The following RAD51B variants were observed in gnomAD, a reference collection of about 807,000 sequenced individuals.
RAD51B encodes the protein RAD51 paralog B, also known as DNA repair protein RAD51 homolog 2.
In RAD51B, 38 loss-of-function variants were observed where a neutral mutation model predicts 42.2. The observed-to-expected ratio is 0.90, with a 90% CI of 0.70 to 1.18. The LOEUF is 1.18. Among genes scored for constraint, RAD51B ranks in the 50% most tolerant of loss-of-function variants. RAD51B has a pLI of 0.00. For missense variants in RAD51B, 373 were observed against 400.7 expected, an observed-to-expected ratio of 0.93 and a Z score of 0.59; for synonymous variants, 154 against 145.2, an observed-to-expected ratio of 1.06 and a Z score of -0.43.
intron 9 of RAD51B, among the ~76,000 whole-genome samples, chr14:68,457,389 G>A (rs2085724312): frequency 6.6e-6 from 1 of 152,154 alleles, no homozygotes; most frequent in Admixed American, 6.5e-5. Context: ...CAAAGCTTAT[G>A]TGGTGTAGTT....
At chr14:67,942,180 T>C (rs544041022) in intron 7 of RAD51B, among the ~76,000 whole-genome samples, 42 of 152,314 alleles carry the variant, frequency 2.8e-4, no homozygotes, top group African/African-American at 9.4e-4. Context: ...GTTAAAATCC[T>C]GTAGAGGTTT....
At chr14:68,460,511 A>C (rs2085817443) in intron 9 of RAD51B, among the ~76,000 whole-genome samples, 2 of 152,170 alleles carry the variant, frequency 1.3e-5, no homozygotes, top group South Asian at 4.1e-4. Flanking sequence ...GGTTCCTGAC[A>C]TCTCTGTGCT....
At chr14:68,311,985 T>C (rs2139729973) in intron 8 of RAD51B, among the ~76,000 whole-genome samples, 1 of 152,358 alleles carries the variant, frequency 6.6e-6, no homozygotes, top group South Asian at 2.1e-4. Context: ...CTCAGCATTG[T>C]TATTTCAATT....
At position 68,649,033 on chromosome 14, in the gene RAD51B, C is replaced by G. The variant is rs573560695; in HGVS notation, c.1037-1748C>G. ...ACCCTCGCATGTCATAGCAATGGAA[C>G]ATGAAGAGGTGGAGATCTTTTGGAG... On this transcript the variant is annotated intron_variant, in intron 10 of 11. Coordinates refer to the RAD51B transcript ENST00000488612. Among the ~76,000 whole-genome samples the G allele has an allele frequency of 2.6e-5, 4 of 152,220 alleles. No homozygotes were observed. In the South Asian group the frequency reaches 8.3e-4, roughly 32 times the overall value.
At chr14:68,602,930 C>A (rs1359467862) in intron 10 of RAD51B, among the ~76,000 whole-genome samples, 6 of 152,178 alleles carry the variant, frequency 3.9e-5, no homozygotes, top group Non-Finnish European at 8.8e-5. Flanking sequence ...AACCTAAACA[C>A]CCATATGCCT....
intron 7 of RAD51B, among the ~76,000 whole-genome samples, chr14:68,045,236 C>CAAAAAAAAAAAAAA (rs537073885): frequency 7.7e-4 from 17 of 22,084 alleles, no homozygotes; most frequent in Non-Finnish European, 8.3e-4. Flanking sequence ...AACTCTGTCT[C>CAAAAAAAAAAAAAA]AAAAAAAAAA....
At chr14:68,195,395 TCCAGTCA>T (rs1017055835) in intron 7 of RAD51B, among the ~76,000 whole-genome samples, 5 of 101,516 alleles carry the variant, frequency 4.9e-5, no homozygotes, top group African/African-American at 1.1e-4. Flanking sequence ...TCTCAGCTTC[TCCAGTCA>T]CCTCCTAACT....
At chr14:68,297,871 G>A (rs577268950) in intron 8 of RAD51B, among the ~76,000 whole-genome samples, 2 of 152,288 alleles carry the variant, frequency 1.3e-5, no homozygotes, top group Admixed American at 1.3e-4. Context: ...AGCCCCTCCC[G>A]TGAAGTTTTA....
chr14:67,963,150 T>A (rs1288500849), intron 7 of RAD51B, among the ~76,000 whole-genome samples: 3 of 152,174 alleles, frequency 2.0e-5, no homozygotes, highest in Non-Finnish European at 4.4e-5. Flanking sequence ...TAACTGTGAA[T>A]ATAATCTCAT....
intron 9 of RAD51B, among the ~76,000 whole-genome samples, chr14:68,412,374 C>T (rs7359118): frequency 0.061 from 9,230 of 152,184 alleles, 451 homozygotes; most frequent in African/African-American, 0.13. Context: ...ATTTGCCCAC[C>T]TTGCTAAATA....
chr14:68,351,158 C>T lies in RAD51B; in HGVS notation c.853+59178C>T, dbSNP rs2082779151. ...ACTGTATACATAAAGCACCCTAATCCAGACCAGACTCAAAGAATGCTAGAA... is the reference window on the plus strand; with the variant it reads ...ACTGTATACATAAAGCACCCTAATCTAGACCAGACTCAAAGAATGCTAGAA... On this transcript the variant is annotated intron_variant, in intron 8 of 10. Transcript: ENST00000471583. Among the ~76,000 whole-genome samples the T allele has an allele frequency of 1.3e-5, 2 of 152,114 alleles. 1 individual carries two copies. Among genetic ancestry groups the T allele is most frequent in the South Asian group, 4.2e-4 (2 of 4,818 alleles).
In RAD51B at chr14:68,478,092, G is replaced by C; in HGVS notation, c.*428G>C. 1 of 1,046,112 alleles carries C rather than the reference G, an allele frequency of 9.6e-7. No homozygotes were observed. Among genetic ancestry groups the C allele is most frequent in the Non-Finnish European group, 1.2e-6 (1 of 867,270 alleles). 64.8% of individuals were successfully genotyped at this position (1,046,112 alleles called of 1,614,324 possible). On this transcript the variant is annotated 3_prime_UTR_variant, in exon 11 of 11. Transcript: ENST00000471583. ...TTTCCGAATAAAGTATTGTCTACCA[G>C]ATAAAAAGAGTAGGTGTAAAGGAAT... is the stretch of plus-strand genomic sequence containing the variant.
intron 7 of RAD51B, among the ~76,000 whole-genome samples, chr14:67,933,477 C>T (rs544117845): frequency 1.3e-5 from 2 of 152,292 alleles, no homozygotes; most frequent in African/African-American, 4.8e-5. Context: ...TGGTGCAATG[C>T]CCTTGTGGGT....
chr14:68,643,156 ACCAGTTTTTG>A (rs1229276827), intron 10 of RAD51B, among the ~76,000 whole-genome samples: 2 of 130,678 alleles, frequency 1.5e-5, no homozygotes, highest in African/African-American at 5.8e-5. Flanking sequence ...TTGAAGTTCT[ACCAGTTTTTG>A]CCTCACACAT....
At chr14:68,389,894 A>G (rs777826081) in intron 8 of RAD51B, among the ~76,000 whole-genome samples, 6 of 152,216 alleles carry the variant, frequency 3.9e-5, no homozygotes, top group Admixed American at 1.3e-4. Flanking sequence ...TTGTTTCTCA[A>G]TGAATCTTCT....
intron 7 of RAD51B, among the ~76,000 whole-genome samples, chr14:68,087,726 T>C (rs1424802606): frequency 6.6e-6 from 1 of 150,580 alleles, no homozygotes; most frequent in Non-Finnish European, 1.5e-5. Context: ...TTGAAGGTCA[T>C]GTATATGTAC....
chr14:68,147,154 G>A lies in RAD51B; in HGVS notation c.757-144730G>A, dbSNP rs536569304. ...TGGCCTTTGAGGGGAGAGTGCCAAA[G>A]TTGATGTATTTTAAAAACATCAACT... is the stretch of plus-strand genomic sequence containing the variant. On this transcript the variant is annotated intron_variant, in intron 7 of 10. Transcript: ENST00000471583. 3.3e-5 allele frequency among the ~76,000 whole-genome samples: 5 copies of A among 152,298 alleles called. No individual in the cohort carries two copies. In the South Asian group the frequency reaches 8.3e-4, roughly 25 times the overall value.
intron 7 of RAD51B, among the ~76,000 whole-genome samples, chr14:68,196,223 G>A (rs1287021385): frequency 6.6e-6 from 1 of 151,382 alleles, no homozygotes; most frequent in Non-Finnish European, 1.5e-5. Flanking sequence ...TTCCTTTGTC[G>A]CTTTCTTGCT....
intron 8 of RAD51B, among the ~76,000 whole-genome samples, chr14:68,295,410 G>A (rs1455415958): frequency 1.3e-5 from 2 of 152,170 alleles, no homozygotes; most frequent in Admixed American, 1.3e-4. Flanking sequence ...AACACTGGGA[G>A]GGCAACAGCT....
Sources: allele counts gnomAD v4.1 joint callset (sites outside exome capture counted in the v4.1 genomes callset), GRCh38; gene constraint gnomAD v4.1.1; transcripts MANE v1.5; gene names NCBI Gene and HGNC (gene_info 2026-07-23, HGNC 2026-07-21).